Variants in GMFB observed in about 807,000 individuals in gnomAD.
The protein encoded by GMFB is glia maturation factor beta.
Under a neutral mutation model 25.6 loss-of-function variants are expected in GMFB, and 13 were observed. That is an observed-to-expected ratio of 0.51 (90% CI 0.33 to 0.81). GMFB has a LOEUF of 0.81. Ranked by LOEUF, GMFB falls within the 30% of genes least tolerant of loss-of-function variation. GMFB has a pLI of 0.02. For missense variants in GMFB, 146 were observed against 175.4 expected (o/e 0.83, Z 0.95); for synonymous variants, 57 against 56.9 (o/e 1.00, Z 0.00).
chr14:54,480,701 ATTCT>A, intron 5 of GMFB, 169 bp downstream of exon 5: 1 of 478,426 alleles, frequency 2.1e-6, no homozygotes, highest in East Asian at 3.6e-5. Flanking sequence ...ATGATGCTTC[ATTCT>A]TTCTAGGGAT....
intron 1 of GMFB, among the ~76,000 whole-genome samples, chr14:54,485,702 T>A (rs1204430007): frequency 6.6e-6 from 1 of 152,156 alleles, no homozygotes; most frequent in Non-Finnish European, 1.5e-5. Flanking sequence ...AGACTGTGAA[T>A]AGCCAAAGCA....
intron 6 of GMFB, chr14:54,478,677 A>T (rs537333427): frequency 1.3e-5 from 2 of 152,328 alleles, no homozygotes; most frequent in South Asian, 4.1e-4. Context: ...AATGTATTAC[A>T]GCAGAAAGGA....
chr14:54,482,919 T>G (rs1468034750), intron 2 of GMFB, among the ~76,000 whole-genome samples: 1 of 152,152 alleles, frequency 6.6e-6, no homozygotes, highest in African/African-American at 2.4e-5. Context: ...TTTTCACTTT[T>G]AAGAACCATA....
rs1032459158 is a variant in GMFB, at chr14:54,477,822, T to C, written c.*266A>G. On this transcript the variant is annotated 3_prime_UTR_variant, in exon 7 of 7. Transcript: ENST00000358056. ...GTAACAAATTCCGAACCATAAGTTA[T>C]AGAAATTAGTCACAAGAGTGCAAAA... The C allele has an allele frequency of 1.7e-5, 5 of 302,146 alleles. No homozygotes were observed. The highest frequency in any genetic ancestry group is 1.0e-4 in the Admixed American group (2 of 19,606). 18.7% of individuals were successfully genotyped at this position (302,146 alleles called of 1,614,324 possible). A position where few individuals can be genotyped will look rare whatever the true frequency, so the allele number is the denominator to read the frequency against.
rs374062015 is a variant in GMFB, at chr14:54,488,861, C to A, written c.3+64G>T. On this transcript the variant is annotated intron_variant, in intron 1 of 6. Coordinates refer to ENST00000358056, the MANE Select transcript of GMFB (RefSeq NM_004124.3). ...GCCCGCCGCCGCCGGCTCCGGAAAC[C>A]GGGAAAACCCGGCTGGCCGGCTCGC... 1.5e-4 allele frequency: 218 copies of A among 1,464,042 alleles called. 1 individual carries two copies. The East Asian group carries it at 2.9e-3, about 20-fold the overall frequency. 90.7% of individuals were successfully genotyped at this position (1,464,042 alleles called of 1,614,324 possible).
In GMFB at chr14:54,480,260, T is replaced by G. The variant is rs563775331; in HGVS notation, c.284-401A>C. ...AGGGAGATCTGCTCTGATAAAAGTT[T>G]CACTCTGCCGATATATTAAGTTAAA... On this transcript the variant is annotated intron_variant, in intron 5 of 6. Transcript: ENST00000358056. 13 of 163,388 alleles carry G rather than the reference T, an allele frequency of 8.0e-5. No homozygotes were observed. In the East Asian group the frequency reaches 1.7e-3, roughly 21 times the overall value. 10.1% of individuals were successfully genotyped at this position (163,388 alleles called of 1,614,324 possible). A position where few individuals can be genotyped will look rare whatever the true frequency, so the allele number is the denominator to read the frequency against.
chr14:54,482,586 C>T (rs2031727564), intron 2 of GMFB, among the ~76,000 whole-genome samples: 1 of 152,154 alleles, frequency 6.6e-6, no homozygotes, highest in South Asian at 2.1e-4. Context: ...GAAAAAGTGC[C>T]TGATCGGGGA....
intron 6 of GMFB, chr14:54,479,396 T>C (rs1324507319): frequency 1.3e-5 from 2 of 155,456 alleles, no homozygotes; most frequent in African/African-American, 4.8e-5. Context: ...TACAATTAAC[T>C]GCATAATACT....
intron 2 of GMFB, 65 bp downstream of exon 2, chr14:54,483,606 A>G (rs1338127955): frequency 3.7e-6 from 3 of 806,896 alleles, no homozygotes; most frequent in South Asian, 1.5e-5. Context: ...AGTTCATTCA[A>G]TGTAGCTACA....
At position 54,480,093 on chromosome 14, in the gene GMFB, C is replaced by G. The variant is rs1594633029; in HGVS notation, c.284-234G>C. 3 of 396,626 alleles carry G rather than the reference C, an allele frequency of 7.6e-6. No homozygotes were observed. The East Asian group carries it at 1.3e-4, about 17-fold the overall frequency. 24.6% of individuals were successfully genotyped at this position (396,626 alleles called of 1,614,324 possible). A position where few individuals can be genotyped will look rare whatever the true frequency, so the allele number is the denominator to read the frequency against. On this transcript the variant is annotated intron_variant, in intron 5 of 6. Coordinates refer to ENST00000358056, the MANE Select transcript of GMFB (RefSeq NM_004124.3). ...GGTTGGCAAAAATAAAGATTCTAGACATTTGTAGATCCTGACTTTTAGAGC... is the reference window on the plus strand; with the variant it reads ...GGTTGGCAAAAATAAAGATTCTAGAGATTTGTAGATCCTGACTTTTAGAGC...
chr14:54,477,832 T>C lies in GMFB; in HGVS notation c.*256A>G, dbSNP rs2031660231. On this transcript the variant is annotated 3_prime_UTR_variant, in exon 7 of 7. Coordinates refer to ENST00000358056, the MANE Select transcript of GMFB (RefSeq NM_004124.3). The stretch of plus-strand genomic sequence containing the variant: ...CCGAACCATAAGTTATAGAAATTAG[T>C]CACAAGAGTGCAAAAAGTCCCTGGA... 2 of 323,078 alleles carry C rather than the reference T, an allele frequency of 6.2e-6. No individual in the cohort carries two copies. The highest frequency in any genetic ancestry group is 5.0e-5 in the Admixed American group (1 of 20,112). The allele number at this position is 323,078 out of a possible 1,614,324, so 20.0% of individuals were successfully genotyped here. A position where few individuals can be genotyped will look rare whatever the true frequency, so the allele number is the denominator to read the frequency against.
intron 1 of GMFB, among the ~76,000 whole-genome samples, chr14:54,485,024 T>C (rs1338227800): frequency 3.3e-5 from 5 of 151,534 alleles, no homozygotes; most frequent in African/African-American, 1.2e-4. Flanking sequence ...AGAACACACC[T>C]CAAAACAATA....
chr14:54,482,648 T>C (rs2031728206), intron 2 of GMFB, among the ~76,000 whole-genome samples: 1 of 152,226 alleles, frequency 6.6e-6, no homozygotes, highest in South Asian at 2.1e-4. Context: ...CAGGATTTCA[T>C]GGCACGGTAT....
intron 3 of GMFB, 125 bp downstream of exon 3, chr14:54,482,028 G>T: frequency 4.6e-6 from 3 of 647,882 alleles, no homozygotes; most frequent in Non-Finnish European, 8.4e-6. Flanking sequence ...ATGCTTTTAT[G>T]CATAATGAGC....
At position 54,478,133 on chromosome 14, in the gene GMFB, G is replaced by A. The variant is rs377630752; in HGVS notation, c.384C>T (p.Asp128=). Reference sequence around the variant, plus strand: ...TCTCACGTAACCATTCTTCAGTTAGGTCTTCGGTATTTCTTATTTCAAATA... The same window carrying A: ...TCTCACGTAACCATTCTTCAGTTAGATCTTCGGTATTTCTTATTTCAAATA... ...TKVFEIRNTE[D]LTEEWLREKL... Residue 128 remains aspartate (D), a synonymous_variant, in exon 7 of 7, where the codon GAC becomes GAT. Transcript: ENST00000358056. 28 of 1,410,236 alleles carry A rather than the reference G, an allele frequency of 2.0e-5. No individual in the cohort carries two copies. In the East Asian group the frequency reaches 3.9e-4, roughly 20 times the overall value. The allele number at this position is 1,410,236 out of a possible 1,614,324, so 87.4% of individuals were successfully genotyped here.
intron 1 of GMFB, among the ~76,000 whole-genome samples, chr14:54,484,733 A>C (rs1012067807): frequency 6.6e-6 from 1 of 152,190 alleles, no homozygotes; most frequent in South Asian, 2.1e-4. Flanking sequence ...CAACAACAAA[A>C]AAAAACTATA....
chr14:54,488,800 G>A (rs2031825254), intron 1 of GMFB, 125 bp downstream of exon 1: 2 of 682,608 alleles, frequency 2.9e-6, no homozygotes, highest in South Asian at 4.3e-5. Flanking sequence ...GCCAGCTGCT[G>A]GGAGCGGAAG....
intron 3 of GMFB, 33 bp from the exon 4 acceptor site, chr14:54,481,491 T>C: frequency 6.6e-7 from 1 of 1,509,910 alleles, no homozygotes; most frequent in South Asian, 1.1e-5. Context: ...CTTTTAAACA[T>C]TTTCTTACCC....
intron 2 of GMFB, 24 bp from the exon 3 acceptor site, chr14:54,482,226 T>C (rs1170149437): frequency 6.5e-7 from 1 of 1,532,194 alleles, no homozygotes; most frequent in African/African-American, 1.4e-5. Context: ...CAAGTATGAG[T>C]AAGCTGGGAT....
Sources: allele counts gnomAD v4.1 joint callset (sites outside exome capture counted in the v4.1 genomes callset), GRCh38; gene constraint gnomAD v4.1.1; transcripts MANE v1.5; gene names NCBI Gene and HGNC (gene_info 2026-07-23, HGNC 2026-07-21).